Variants in GLIS3 observed in about 807,000 individuals in gnomAD.
GLIS3 encodes GLIS family zinc finger 3.
In GLIS3, 53 loss-of-function variants were observed where a neutral mutation model predicts 78.6. The observed-to-expected ratio is 0.67, with a 90% CI of 0.54 to 0.85. The LOEUF (loss-of-function observed/expected upper bound fraction) is 0.85. GLIS3 is among the 40% of genes least tolerant of loss of function. The pLI is 0.00. For missense variants in GLIS3, 1,703 were observed against 1,231.1 expected (o/e 1.38, Z -5.74); for synonymous variants, 684 against 509.9 (o/e 1.34, Z -4.60).
the GLIS3 span, among the ~76,000 whole-genome samples, chr9:4,429,644 C>T: frequency 5.3e-5 from 8 of 152,228 alleles, no homozygotes; most frequent in East Asian, 7.7e-4. Context: ...ATTAGTTCTG[C>T]GTCCCCCAGT....
chr9:4,092,089 C>T (rs1364053268), intron 4 of GLIS3, among the ~76,000 whole-genome samples: 3 of 152,032 alleles, frequency 2.0e-5, no homozygotes, highest in East Asian at 3.9e-4. Flanking sequence ...TTAGGCTACA[C>T]TAAATCTATT....
chr9:4,128,763 C>T (rs1317202951), intron 2 of GLIS3, among the ~76,000 whole-genome samples: 1 of 152,228 alleles, frequency 6.6e-6, no homozygotes, highest in Non-Finnish European at 1.5e-5. Context: ...TAACTCTCTA[C>T]TCTGGATTCA....
the GLIS3 span, among the ~76,000 whole-genome samples, chr9:4,469,492 C>T: frequency 6.6e-6 from 1 of 152,166 alleles, no homozygotes; most frequent in Admixed American, 6.5e-5. Context: ...TCACTCAAAA[C>T]CGCTCAACTA....
intron 2 of GLIS3, among the ~76,000 whole-genome samples, chr9:4,190,606 C>T (rs1268475888): frequency 6.6e-6 from 1 of 151,234 alleles, no homozygotes; most frequent in Non-Finnish European, 1.5e-5. Context: ...GGAAAACACT[C>T]TGCAGGATAT....
chr9:4,176,464 C>G (rs1433435872), intron 2 of GLIS3, among the ~76,000 whole-genome samples: 1 of 152,086 alleles, frequency 6.6e-6, no homozygotes, highest in Non-Finnish European at 1.5e-5. Context: ...TTCTTGAAAA[C>G]TATTTGTAGA....
intron 3 of GLIS3, among the ~76,000 whole-genome samples, chr9:4,123,278 T>C (rs1182969912): frequency 2.0e-5 from 3 of 152,168 alleles, no homozygotes; most frequent in African/African-American, 2.4e-5. Context: ...TACCTAGTAA[T>C]GAATGGTGTA....
chr9:4,381,107 G>C, the GLIS3 span, among the ~76,000 whole-genome samples: 2 of 152,174 alleles, frequency 1.3e-5, no homozygotes, highest in African/African-American at 2.4e-5. Flanking sequence ...TCAAAAAGGA[G>C]AGGAAGAACC....
intron 2 of GLIS3, among the ~76,000 whole-genome samples, chr9:4,216,502 A>G (rs2131315964): frequency 1.3e-5 from 2 of 151,146 alleles, no homozygotes; most frequent in South Asian, 4.2e-4. Context: ...AGAAAAGAAA[A>G]GAAAAGAAAA....
chr9:4,240,546 G>T (rs529254228), intron 2 of GLIS3, among the ~76,000 whole-genome samples: 2 of 152,058 alleles, frequency 1.3e-5, no homozygotes, highest in Non-Finnish European at 2.9e-5. Flanking sequence ...TTATAAACAA[G>T]ATTACAAGGG....
chr9:4,432,003 A>G, the GLIS3 span, among the ~76,000 whole-genome samples: 1 of 152,160 alleles, frequency 6.6e-6, no homozygotes, highest in Non-Finnish European at 1.5e-5. Flanking sequence ...AACTTTTTTT[A>G]CAAAATCAGG....
At chr9:4,285,715 G>A (rs989676246) in intron 2 of GLIS3, 40 of 349,802 alleles carry the variant, frequency 1.1e-4, no homozygotes, top group Admixed American at 4.7e-4. Flanking sequence ...ACCTGTATCC[G>A]GAGGGCATGA....
chr9:4,205,003 C>T (rs1308218719), intron 2 of GLIS3, among the ~76,000 whole-genome samples: 10 of 150,762 alleles, frequency 6.6e-5, no homozygotes, highest in Middle Eastern at 3.4e-3. Context: ...CATGATGAAA[C>T]CCCGTCTCTA....
chr9:4,263,845 C>A (rs1334782384), intron 2 of GLIS3, among the ~76,000 whole-genome samples: 6 of 152,130 alleles, frequency 3.9e-5, no homozygotes, highest in Non-Finnish European at 5.9e-5. Context: ...ACCTCATTGC[C>A]TGCATCTTCT....
chr9:4,321,463 A>AAAAAAAAAG (rs1817527771), intron 2 of GLIS3, among the ~76,000 whole-genome samples: 2 of 136,060 alleles, frequency 1.5e-5, no homozygotes, highest in Admixed American at 7.5e-5. Flanking sequence ...AAAAAAAAAA[A>AAAAAAAAAG]TCAGGTGCCT....
At chr9:4,352,655 G>A (rs61691248), upstream of GLIS3, among the ~76,000 whole-genome samples, 5,618 of 152,322 alleles carry the variant, frequency 0.037, 354 homozygotes, top group African/African-American at 0.13. Context: ...CCTGGTTAGT[G>A]GGGAGATGAT....
At chr9:4,480,162 G>A in the GLIS3 span, among the ~76,000 whole-genome samples, 2 of 148,640 alleles carry the variant, frequency 1.3e-5, no homozygotes, top group Non-Finnish European at 3.0e-5. Flanking sequence ...TTACACTACA[G>A]AAGAATTCTG....
intron 4 of GLIS3, among the ~76,000 whole-genome samples, chr9:4,060,086 AT>A (rs1826518870): frequency 1.3e-5 from 2 of 151,988 alleles, no homozygotes; most frequent in Non-Finnish European, 2.9e-5. Flanking sequence ...ATGTGAGCCC[AT>A]TTGGTAGCCC....
At chr9:4,207,532 G>C (rs749387615) in intron 2 of GLIS3, among the ~76,000 whole-genome samples, 1 of 152,204 alleles carries the variant, frequency 6.6e-6, no homozygotes, top group Non-Finnish European at 1.5e-5. Context: ...CCTGCTTAAA[G>C]TTAATAATAA....
chr9:4,393,046 G>A, the GLIS3 span, among the ~76,000 whole-genome samples: 3 of 151,942 alleles, frequency 2.0e-5, no homozygotes, highest in South Asian at 6.2e-4. Flanking sequence ...AAAATGACTT[G>A]CATAATGGTG....
Sources: allele counts gnomAD v4.1 joint callset (sites outside exome capture counted in the v4.1 genomes callset), GRCh38; gene constraint gnomAD v4.1.1; transcripts MANE v1.5; gene names NCBI Gene and HGNC (gene_info 2026-07-23, HGNC 2026-07-21).